PCDH15: variants seen among roughly 807,000 people sequenced by gnomAD.
PCDH15 encodes the protein protocadherin related 15.
PCDH15 carries 129 observed loss-of-function variants against 178.5 expected under a neutral mutation model. The observed-to-expected ratio is 0.72, with a 90% CI of 0.63 to 0.84. The LOEUF (loss-of-function observed/expected upper bound fraction) is 0.84. Ranked by LOEUF, PCDH15 falls within the 40% of genes least tolerant of loss-of-function variation. The pLI, the probability that PCDH15 is intolerant of heterozygous loss-of-function variation, is 0.00. For missense variants in PCDH15, 2,230 were observed against 2,099.9 expected, an observed-to-expected ratio of 1.06 and a Z score of -1.21; for synonymous variants, 800 against 732.0, an observed-to-expected ratio of 1.09 and a Z score of -1.50.
At chr10:53,923,076 G>A (rs1315218553) in intron 25 of PCDH15, among the ~76,000 whole-genome samples, 1 of 152,114 alleles carries the variant, frequency 6.6e-6, no homozygotes, top group East Asian at 1.9e-4. Flanking sequence ...GACAGAGCAA[G>A]ACTCCGTCTC....
At chr10:54,521,344 A>G (rs2082841203) in intron 3 of PCDH15, among the ~76,000 whole-genome samples, 2 of 152,212 alleles carry the variant, frequency 1.3e-5, no homozygotes. Flanking sequence ...TAAACTCCTT[A>G]GAGAATACTG....
At chr10:55,144,829 T>C (rs926195732) in intron 2 of PCDH15, among the ~76,000 whole-genome samples, 1 of 98,228 alleles carries the variant, frequency 1.0e-5, no homozygotes, top group African/African-American at 3.0e-5. Flanking sequence ...TTTTAAATGA[T>C]TTTTTATTTA....
intron 2 of PCDH15, among the ~76,000 whole-genome samples, chr10:55,023,115 G>A (rs1840381070): frequency 6.6e-6 from 1 of 151,932 alleles, no homozygotes; most frequent in Non-Finnish European, 1.5e-5. Flanking sequence ...TGAAGTTTTT[G>A]CATTTTTACT....
chr10:55,026,518 T>C (rs539219876), intron 2 of PCDH15, among the ~76,000 whole-genome samples: 1 of 152,024 alleles, frequency 6.6e-6, no homozygotes, highest in African/African-American at 2.4e-5. Flanking sequence ...TTGTAACTTA[T>C]TTGGAATTCA....
intron 22 of PCDH15, among the ~76,000 whole-genome samples, chr10:53,961,132 A>C (rs1347435346): frequency 6.7e-6 from 1 of 149,864 alleles, no homozygotes; most frequent in African/African-American, 2.5e-5. Context: ...ACATAACAAC[A>C]ATCAGTATTG....
chr10:54,637,793 A>T (rs2034430802), intron 2 of PCDH15, among the ~76,000 whole-genome samples: 1 of 152,220 alleles, frequency 6.6e-6, no homozygotes, highest in Middle Eastern at 3.4e-3. Flanking sequence ...CATAAAAATT[A>T]TCCAGTGTTT....
chr10:54,868,130 C>T (rs11004609), intron 3 of PCDH15, among the ~76,000 whole-genome samples: 2,511 of 152,022 alleles, frequency 0.017, 34 homozygotes, highest in Non-Finnish European at 0.023. Flanking sequence ...GAGGGGGAAA[C>T]GGTTATAGCA....
At chr10:54,188,541 C>A (rs1179536365) in intron 11 of PCDH15, among the ~76,000 whole-genome samples, 1 of 151,562 alleles carries the variant, frequency 6.6e-6, no homozygotes, top group South Asian at 2.1e-4. Flanking sequence ...TCAGTATATA[C>A]CAAAAGTATG....
At chr10:54,077,010 G>A (rs1254813147) in intron 17 of PCDH15, among the ~76,000 whole-genome samples, 2 of 152,146 alleles carry the variant, frequency 1.3e-5, no homozygotes, top group Non-Finnish European at 2.9e-5. Flanking sequence ...CTATTAAGAC[G>A]TGAGAATATT....
At chr10:53,976,025 A>G (rs1325136701) in intron 21 of PCDH15, among the ~76,000 whole-genome samples, 1 of 152,024 alleles carries the variant, frequency 6.6e-6, no homozygotes, top group East Asian at 1.9e-4. Context: ...TGAATAGGCA[A>G]TTTTTCTCTA....
intron 2 of PCDH15, among the ~76,000 whole-genome samples, chr10:55,532,019 T>C (rs1470405326): frequency 6.6e-6 from 1 of 152,014 alleles, no homozygotes; most frequent in Non-Finnish European, 1.5e-5. Context: ...GATCTGATCT[T>C]TGTAAGTAAT....
chr10:54,131,942 C>G (rs558257626), intron 15 of PCDH15, among the ~76,000 whole-genome samples: 1 of 152,142 alleles, frequency 6.6e-6, no homozygotes, highest in East Asian at 1.9e-4. Context: ...GGGATTTAAG[C>G]GAGATGTAGC....
At chr10:54,877,709 C>A (rs2131802088) in intron 3 of PCDH15, among the ~76,000 whole-genome samples, 1 of 152,116 alleles carries the variant, frequency 6.6e-6, no homozygotes, top group East Asian at 1.9e-4. Context: ...TTGAAGAGGG[C>A]ATCTGTATTT....
chr10:55,507,033 TA>T (rs1271969487), intron 2 of PCDH15, among the ~76,000 whole-genome samples: 11 of 151,506 alleles, frequency 7.3e-5, no homozygotes, highest in Non-Finnish European at 1.5e-4. Flanking sequence ...AATTACTTTT[TA>T]AAATAGAATT....
chr10:54,882,598 ATATGT>A (rs1420824506), intron 3 of PCDH15, among the ~76,000 whole-genome samples: 4 of 152,066 alleles, frequency 2.6e-5, no homozygotes, highest in South Asian at 2.1e-4. Flanking sequence ...CTTTCTAATA[ATATGT>A]TATATTTATA....
intron 24 of PCDH15, among the ~76,000 whole-genome samples, chr10:53,940,167 C>A (rs566772236): frequency 6.6e-6 from 1 of 151,388 alleles, no homozygotes; most frequent in South Asian, 2.1e-4. Flanking sequence ...TTCCTGACTA[C>A]CTACAATATA....
At chr10:54,849,412 T>C (rs1336815943) in intron 3 of PCDH15, among the ~76,000 whole-genome samples, 1 of 152,154 alleles carries the variant, frequency 6.6e-6, no homozygotes, top group Non-Finnish European at 1.5e-5. Context: ...TTCCCTCTGT[T>C]CCTTTGTGAA....
At chr10:55,161,276 T>G (rs760399484) in intron 2 of PCDH15, among the ~76,000 whole-genome samples, 2 of 152,190 alleles carry the variant, frequency 1.3e-5, no homozygotes, top group Non-Finnish European at 2.9e-5. Context: ...GAGGAAGGGC[T>G]ATCTTATGGA....
chr10:55,559,897 C>T (rs1162095890), intron 2 of PCDH15, among the ~76,000 whole-genome samples: 3 of 151,908 alleles, frequency 2.0e-5, no homozygotes, highest in African/African-American at 7.2e-5. Context: ...AAGACTCTTA[C>T]AAACACTGTA....
Sources: gnomAD v4.1 joint callset for allele counts (sites outside exome capture counted in the v4.1 genomes callset) on GRCh38, gnomAD v4.1.1 for gene constraint, MANE v1.5 for transcripts, NCBI Gene and HGNC (gene_info 2026-07-23, HGNC 2026-07-21) for gene names.